ZNF385D: variants seen among roughly 807,000 people sequenced by gnomAD.
ZNF385D encodes the protein zinc finger protein 659.
A neutral mutation model predicts 35.8 loss-of-function variants in ZNF385D; 15 were observed. The observed-to-expected ratio is 0.42, with a 90% CI of 0.28 to 0.64. The LOEUF (loss-of-function observed/expected upper bound fraction) is 0.64, where lower values mean the gene tolerates loss of function less well. ZNF385D is among the 30% of genes least tolerant of loss of function. The probability of loss-of-function intolerance (pLI) is 0.23; values close to 1 mark genes in which losing one functional copy is unlikely to be tolerated. For missense variants in ZNF385D, 474 were observed against 494.6 expected (o/e 0.96, Z 0.39); for synonymous variants, 212 against 186.8 (o/e 1.13, Z -1.10).
chr3:21,757,134 T>TTTTTTTTTTTTTTG (rs1553654008), intron 3 of ZNF385D, among the ~76,000 whole-genome samples: 2 of 128,232 alleles, frequency 1.6e-5, no homozygotes, highest in African/African-American at 2.9e-5. Flanking sequence ...TTTTTTTTTT[T>TTTTTTTTTTTTTTG]TTTTTGTTTT....
intron 3 of ZNF385D, among the ~76,000 whole-genome samples, chr3:21,519,979 G>A (rs778602692): frequency 1.2e-4 from 19 of 152,146 alleles, no homozygotes; most frequent in African/African-American, 2.2e-4. Context: ...TAAAATGTGC[G>A]TCTCCTCTAA....
intron 3 of ZNF385D, among the ~76,000 whole-genome samples, chr3:22,013,225 GA>G (rs1314605086): frequency 8.6e-5 from 13 of 151,862 alleles, no homozygotes; most frequent in Admixed American, 4.6e-4. Flanking sequence ...AACCTCTAAT[GA>G]AAATAATACT....
chr3:21,968,647 G>A (rs1220454524), intron 3 of ZNF385D, among the ~76,000 whole-genome samples: 2 of 152,094 alleles, frequency 1.3e-5, no homozygotes, highest in Non-Finnish European at 2.9e-5. Flanking sequence ...TGAAGCAAAG[G>A]GCCAAGTCTT....
chr3:22,085,626 C>A (rs1461090035), intron 3 of ZNF385D, among the ~76,000 whole-genome samples: 2 of 152,192 alleles, frequency 1.3e-5, no homozygotes, highest in Non-Finnish European at 2.9e-5. Flanking sequence ...GACGGATTCA[C>A]AGCCGAATTC....
intron 4 of ZNF385D, among the ~76,000 whole-genome samples, chr3:21,445,522 C>A (rs1702099934): frequency 6.6e-6 from 1 of 152,146 alleles, no homozygotes; most frequent in Admixed American, 6.5e-5. Context: ...CTTGGCATGT[C>A]TTTTTAGCCT....
intron 3 of ZNF385D, among the ~76,000 whole-genome samples, chr3:21,965,462 T>C (rs981067643): frequency 2.0e-5 from 3 of 151,472 alleles, no homozygotes; most frequent in South Asian, 4.1e-4. Flanking sequence ...TTTTAAAAAA[T>C]CTAATATCAG....
chr3:22,177,624 G>A (rs1238466171), intron 2 of ZNF385D, among the ~76,000 whole-genome samples: 1 of 152,120 alleles, frequency 6.6e-6, no homozygotes, highest in Non-Finnish European at 1.5e-5. Context: ...GGGTTTAAGT[G>A]CACAATGTGC....
In ZNF385D at chr3:21,686,048, A is replaced by T. The variant is rs539000500; in HGVS notation, c.23-21020T>A. 8.5e-5 allele frequency among the ~76,000 whole-genome samples: 13 copies of T among 152,344 alleles called. No individual in the cohort carries two copies. The South Asian group carries it at 2.5e-3, about 29-fold the overall frequency. On this transcript the variant is annotated intron_variant, in intron 1 of 7. Coordinates refer to ENST00000281523, the MANE Select transcript of ZNF385D (RefSeq NM_024697.3). ...TCCCAAAAAATGAGAGACAAAGGCA[A>T]ATTGAAACAGTCTAGGCTTTCATGT...
At chr3:21,609,585 C>A (rs1439700006) in intron 2 of ZNF385D, among the ~76,000 whole-genome samples, 1 of 152,146 alleles carries the variant, frequency 6.6e-6, no homozygotes, top group Non-Finnish European at 1.5e-5. Context: ...TAGGTCCACC[C>A]TTCCCCACTA....
chr3:22,098,039 G>C (rs1438838902), intron 3 of ZNF385D, among the ~76,000 whole-genome samples: 1 of 152,058 alleles, frequency 6.6e-6, no homozygotes, highest in Admixed American at 6.6e-5. Flanking sequence ...TCACAGGCTA[G>C]GGAAATACCT....
chr3:22,047,963 A>C (rs1291455497), intron 3 of ZNF385D, among the ~76,000 whole-genome samples: 1 of 152,154 alleles, frequency 6.6e-6, no homozygotes, highest in Non-Finnish European at 1.5e-5. Context: ...GTAATAGCTC[A>C]TTGTGGATTT....
intron 3 of ZNF385D, among the ~76,000 whole-genome samples, chr3:22,114,222 A>G (rs1427554034): frequency 2.0e-5 from 3 of 152,080 alleles, no homozygotes; most frequent in Non-Finnish European, 2.9e-5. Context: ...GCTGTTAAAC[A>G]TTATGGATAA....
In ZNF385D at chr3:22,110,179, T is replaced by C. The variant is rs1277549596; in HGVS notation, c.325+58638A>G. Among the ~76,000 whole-genome samples the C allele has an allele frequency of 2.0e-5, 3 of 152,184 alleles. No homozygotes were observed. In the East Asian group the frequency reaches 5.8e-4, roughly 29 times the overall value. ...ATGTGGAGAAATAGGAACACTTTCA[T>C]ACTGTTGGTGGGACTGTAAACTAGT... On this transcript the variant is annotated intron_variant, in intron 3 of 5. Coordinates refer to the ZNF385D transcript ENST00000494108.
intron 3 of ZNF385D, among the ~76,000 whole-genome samples, chr3:22,024,406 G>T (rs541571799): frequency 4.6e-5 from 7 of 152,090 alleles, no homozygotes; most frequent in Non-Finnish European, 1.0e-4. Flanking sequence ...TCCCAGGAGT[G>T]GTTCTAGAAT....
chr3:21,666,970 G>A (rs1035574342), intron 1 of ZNF385D, among the ~76,000 whole-genome samples: 2 of 152,048 alleles, frequency 1.3e-5, no homozygotes, highest in African/African-American at 2.4e-5. Context: ...CCAGCTACTT[G>A]GGAGGCTGAG....
intron 2 of ZNF385D, among the ~76,000 whole-genome samples, chr3:22,217,603 T>G (rs1051497259): frequency 6.6e-6 from 1 of 152,184 alleles, no homozygotes; most frequent in Non-Finnish European, 1.5e-5. Flanking sequence ...CAGAGGTAAA[T>G]TACACTTATT....
chr3:22,025,384 C>T (rs547083755), intron 3 of ZNF385D, among the ~76,000 whole-genome samples: 4 of 152,120 alleles, frequency 2.6e-5, no homozygotes, highest in Admixed American at 1.3e-4. Context: ...CTAGAGGTGA[C>T]GTTGAGAGTG....
chr3:22,075,920 T>C (rs1033441670), intron 3 of ZNF385D, among the ~76,000 whole-genome samples: 2 of 151,948 alleles, frequency 1.3e-5, no homozygotes, highest in Non-Finnish European at 2.9e-5. Flanking sequence ...TTGAGTTGGA[T>C]GTCAATCTCC....
chr3:21,449,278 C>CAA (rs543791289), intron 4 of ZNF385D, among the ~76,000 whole-genome samples: 200 of 142,044 alleles, frequency 1.4e-3, no homozygotes, highest in East Asian at 8.1e-3. Context: ...TTTATAGCTA[C>CAA]AAAAAAAAAA....
Sources: allele counts gnomAD v4.1 joint callset (sites outside exome capture counted in the v4.1 genomes callset), GRCh38; gene constraint gnomAD v4.1.1; transcripts MANE v1.5; gene names NCBI Gene and HGNC (gene_info 2026-07-23, HGNC 2026-07-21).